RHOT1: variants seen among roughly 807,000 people sequenced by gnomAD.
The protein encoded by RHOT1 is mitochondrial Rho GTPase 1.
Under a neutral mutation model 95.3 loss-of-function variants are expected in RHOT1, and 27 were observed. The ratio of observed to expected loss-of-function variants is 0.28; its 90% confidence interval spans 0.21 to 0.39. RHOT1 has a LOEUF of 0.39. Ranked by LOEUF, RHOT1 falls within the 10% of genes least tolerant of loss-of-function variation. RHOT1 has a pLI of 1.00. For missense variants in RHOT1, 578 were observed against 786.7 expected (o/e 0.73, Z 3.17); for synonymous variants, 227 against 263.5 (o/e 0.86, Z 1.34).
chr17:32,183,245 G>A lies in RHOT1; in HGVS notation c.513G>A (p.Gly171=), dbSNP rs2035778643. The A allele has an allele frequency of 9.8e-6, 15 of 1,526,226 alleles. No homozygotes were observed. Among genetic ancestry groups the A allele is most frequent in the Non-Finnish European group, 1.3e-5 (15 of 1,133,658 alleles). The allele number at this position is 1,526,226 out of a possible 1,614,324, so 94.5% of individuals were successfully genotyped here. A position where few individuals can be genotyped will look rare whatever the true frequency, so the allele number is the denominator to read the frequency against. Residue 171 remains glycine (G), a synonymous_variant, in exon 8 of 20, where the codon GGG becomes GGA. Transcript: ENST00000545287. Reference sequence around the variant, plus strand: ...AGAAAGCTGTTCTTCATCCTACAGGGCCCCTGTACTGCCCAGAGGAGAAGG... The same window carrying A: ...AGAAAGCTGTTCTTCATCCTACAGGACCCCTGTACTGCCCAGAGGAGAAGG... ...YAQKAVLHPT[G]PLYCPEEKEM... is the part of the protein sequence containing the mutation.
intron 8 of RHOT1, among the ~76,000 whole-genome samples, chr17:32,191,564 A>T (rs1157284820): frequency 1.3e-5 from 2 of 152,226 alleles, no homozygotes; most frequent in African/African-American, 2.4e-5. Flanking sequence ...TAAAACAAAA[A>T]TGAAGGAAAT....
At chr17:32,215,066 C>G (rs930208057) in intron 19 of RHOT1, among the ~76,000 whole-genome samples, 1 of 151,606 alleles carries the variant, frequency 6.6e-6, no homozygotes, top group East Asian at 1.9e-4. Context: ...GCCACTTTGC[C>G]CGGCTAATTT....
intron 1 of RHOT1, among the ~76,000 whole-genome samples, chr17:32,160,939 A>G (rs766762215): frequency 6.6e-6 from 1 of 152,206 alleles, no homozygotes; most frequent in Non-Finnish European, 1.5e-5. Flanking sequence ...CACTGGCCAC[A>G]GAAGTTTCCA....
At chr17:32,160,797 C>T (rs2033466468) in intron 1 of RHOT1, among the ~76,000 whole-genome samples, 1 of 152,234 alleles carries the variant, frequency 6.6e-6, no homozygotes. Context: ...TCACACATCC[C>T]TCACCACTTT....
chr17:32,217,415 C>A (rs1293404615), intron 19 of RHOT1, among the ~76,000 whole-genome samples: 1 of 151,924 alleles, frequency 6.6e-6, no homozygotes, highest in East Asian at 1.9e-4. Flanking sequence ...GAGAATTGTC[C>A]TTTTTAAAAT....
intron 16 of RHOT1, 144 bp from the exon 17 acceptor site, chr17:32,206,765 TC>T (rs1236875530): frequency 2.2e-5 from 14 of 648,730 alleles, no homozygotes; most frequent in Non-Finnish European, 3.5e-5. Context: ...GTCTATACTT[TC>T]TACTTTTAAA....
chr17:32,186,660 C>T (rs1045727663), intron 8 of RHOT1, among the ~76,000 whole-genome samples: 24 of 152,058 alleles, frequency 1.6e-4, no homozygotes, highest in African/African-American at 4.6e-4. Flanking sequence ...CCACTGCGCC[C>T]GGCCCCCATT....
chr17:32,183,150 T>G (rs542751660), intron 7 of RHOT1, 21 bp from the exon 8 acceptor site: 1 of 1,533,094 alleles, frequency 6.5e-7, no homozygotes, highest in Non-Finnish European at 8.9e-7. Flanking sequence ...GATTTCAGAG[T>G]GTAAAATTTT....
At chr17:32,190,111 T>C (rs2036373962) in intron 8 of RHOT1, among the ~76,000 whole-genome samples, 3 of 152,128 alleles carry the variant, frequency 2.0e-5, no homozygotes, top group Admixed American at 1.3e-4. Context: ...AAATATGACA[T>C]TGGGCCAATA....
chr17:32,199,580 G>A (rs779010785), intron 13 of RHOT1, 30 bp downstream of exon 13: 1 of 1,543,340 alleles, frequency 6.5e-7, no homozygotes, highest in Admixed American at 2.3e-5. Context: ...CTTTCCTCTA[G>A]AGTTACAAAT....
chr17:32,155,261 G>A (rs569947411), intron 1 of RHOT1, among the ~76,000 whole-genome samples: 132 of 151,920 alleles, frequency 8.7e-4, no homozygotes, highest in African/African-American at 3.1e-3. Flanking sequence ...CTGGGTTCAC[G>A]CCATTCTCCT....
At chr17:32,175,814 G>C (rs909983105) in intron 4 of RHOT1, 148 bp from the exon 5 acceptor site, 2 of 527,790 alleles carry the variant, frequency 3.8e-6, no homozygotes, top group East Asian at 6.4e-5. Context: ...TTTTCTCTTA[G>C]AGGCAAGCTA....
intron 1 of RHOT1, among the ~76,000 whole-genome samples, chr17:32,160,745 C>T (rs951802818): frequency 3.9e-5 from 6 of 152,218 alleles, no homozygotes; most frequent in African/African-American, 9.6e-5. Flanking sequence ...CAGCAGCAGC[C>T]GGCGTGCCTG....
intron 15 of RHOT1, 24 bp from the exon 16 acceptor site, chr17:32,203,866 T>G: frequency 6.4e-7 from 1 of 1,567,360 alleles, no homozygotes; most frequent in South Asian, 1.1e-5. Flanking sequence ...CTGCAGATAT[T>G]GAGATTTTCG....
chr17:32,217,002 TTAAG>T (rs1273227933), intron 19 of RHOT1, among the ~76,000 whole-genome samples: 2 of 152,234 alleles, frequency 1.3e-5, no homozygotes, highest in African/African-American at 2.4e-5. Flanking sequence ...TAGATTTTCA[TTAAG>T]TAAGCTGCTG....
At chr17:32,154,908 A>AG (rs2032780323) in intron 1 of RHOT1, among the ~76,000 whole-genome samples, 1 of 150,946 alleles carries the variant, frequency 6.6e-6, no homozygotes, top group Non-Finnish European at 1.5e-5. Context: ...AAAAAAAAAA[A>AG]TTAGCTGAGT....
At chr17:32,150,459 G>A (rs1410158234) in intron 1 of RHOT1, 2 of 843,784 alleles carry the variant, frequency 2.4e-6, no homozygotes, top group Non-Finnish European at 3.7e-6. Flanking sequence ...CCATATTGGA[G>A]GTTTTCTGGA....
At position 32,176,032 on chromosome 17, in the gene RHOT1, T is replaced by G; in HGVS notation, c.276+17T>G. ...ATTGATAAGGTAGGTGTGATCTTTT[T>G]TTCCCTATAGTTGGTTTCAGTGGAG... On this transcript the variant is annotated intron_variant, in intron 5 of 19. Coordinates refer to ENST00000545287, the MANE Select transcript of RHOT1 (RefSeq NM_001033566.3). The G allele has an allele frequency of 8.7e-6, 14 of 1,605,146 alleles. No homozygotes were observed. Among genetic ancestry groups the G allele is most frequent in the Non-Finnish European group, 1.2e-5 (14 of 1,176,110 alleles).
chr17:32,173,735 C>T, intron 2 of RHOT1, 96 bp from the exon 3 acceptor site: 6 of 820,362 alleles, frequency 7.3e-6, no homozygotes, highest in Non-Finnish European at 1.2e-5. Context: ...AAAAGAAACA[C>T]TCAACCTGTG....
Sources: gnomAD v4.1 joint callset for allele counts (sites outside exome capture counted in the v4.1 genomes callset) on GRCh38, gnomAD v4.1.1 for gene constraint, MANE v1.5 for transcripts, NCBI Gene and HGNC (gene_info 2026-07-23, HGNC 2026-07-21) for gene names.